Variants in ROBO1 observed in about 807,000 individuals in gnomAD.
ROBO1 encodes the protein roundabout homolog 1.
ROBO1 carries 149 observed loss-of-function variants against 195.9 expected under a neutral mutation model. The ratio of observed to expected loss-of-function variants is 0.76; its 90% confidence interval spans 0.67 to 0.87. The LOEUF (loss-of-function observed/expected upper bound fraction) is 0.87. ROBO1 is among the 40% of genes least tolerant of loss of function. ROBO1 has a pLI of 0.00. For synonymous variants in ROBO1, 816 were observed against 733.2 expected, an observed-to-expected ratio of 1.11 and a Z score of -1.82; for missense variants, 1,933 against 2,068.3, an observed-to-expected ratio of 0.93 and a Z score of 1.27.
intron 2 of ROBO1, among the ~76,000 whole-genome samples, chr3:79,310,797 G>T (rs2033449677): frequency 6.6e-6 from 1 of 151,998 alleles, no homozygotes; most frequent in Admixed American, 6.6e-5. Context: ...AAGTAAGTTT[G>T]TATTTCAATA....
intron 5 of ROBO1, among the ~76,000 whole-genome samples, chr3:78,735,966 A>G (rs1464519865): frequency 6.6e-6 from 1 of 152,084 alleles, no homozygotes; most frequent in Non-Finnish European, 1.5e-5. Flanking sequence ...CCTATTCACA[A>G]TCTCTCAACT....
intron 3 of ROBO1, among the ~76,000 whole-genome samples, chr3:78,972,474 C>A (rs1046554295): frequency 6.6e-6 from 1 of 152,078 alleles, no homozygotes; most frequent in Non-Finnish European, 1.5e-5. Flanking sequence ...AATTTGAAAA[C>A]AAACAATGTA....
intron 8 of ROBO1, among the ~76,000 whole-genome samples, chr3:78,709,796 G>C (rs1486699430): frequency 6.6e-6 from 1 of 152,150 alleles, no homozygotes; most frequent in Non-Finnish European, 1.5e-5. Context: ...GAGAAACAGA[G>C]GCACTGAGAA....
intron 26 of ROBO1, among the ~76,000 whole-genome samples, chr3:78,622,327 C>T (rs1262772370): frequency 6.6e-6 from 1 of 152,160 alleles, no homozygotes; most frequent in South Asian, 2.1e-4. Context: ...TAATGTATCA[C>T]ACTATCTGCA....
intron 4 of ROBO1, among the ~76,000 whole-genome samples, chr3:78,786,385 CATTA>C (rs1234700777): frequency 9.2e-5 from 14 of 152,108 alleles, no homozygotes. Context: ...CTTTTAAAAT[CATTA>C]ATTGAGTGCT....
chr3:79,739,861 T>G (rs2107412546), intron 1 of ROBO1, among the ~76,000 whole-genome samples: 1 of 152,232 alleles, frequency 6.6e-6, no homozygotes, highest in African/African-American at 2.4e-5. Flanking sequence ...TCAGAAATAT[T>G]ATCAGAGCAA....
At chr3:79,490,745 C>G (rs956408348) in intron 2 of ROBO1, among the ~76,000 whole-genome samples, 2 of 152,198 alleles carry the variant, frequency 1.3e-5, no homozygotes, top group African/African-American at 4.8e-5. Context: ...GTCAAGGACT[C>G]AAGCCCCTCT....
chr3:78,947,202 C>T (rs1028558981), intron 3 of ROBO1, among the ~76,000 whole-genome samples: 8 of 152,156 alleles, frequency 5.3e-5, no homozygotes. Flanking sequence ...CTCTCCACCC[C>T]AAATCAACAG....
chr3:79,168,436 G>C (rs2081109591), intron 2 of ROBO1, among the ~76,000 whole-genome samples: 1 of 152,098 alleles, frequency 6.6e-6, no homozygotes, highest in Non-Finnish European at 1.5e-5. Context: ...TTGGCTTTCT[G>C]AAAATGACCT....
intron 3 of ROBO1, among the ~76,000 whole-genome samples, chr3:78,973,881 T>C (rs563299790): frequency 1.3e-5 from 2 of 152,178 alleles, no homozygotes; most frequent in Admixed American, 1.3e-4. Context: ...TCACATTAAG[T>C]TTCTTAGAGA....
intron 8 of ROBO1, among the ~76,000 whole-genome samples, chr3:78,689,909 T>C (rs1384530027): frequency 1.3e-5 from 2 of 151,660 alleles, no homozygotes; most frequent in Non-Finnish European, 2.9e-5. Context: ...AATTTCTTTG[T>C]TAATGAAGGT....
chr3:79,041,177 A>G (rs1048084181), intron 3 of ROBO1, among the ~76,000 whole-genome samples: 1 of 152,072 alleles, frequency 6.6e-6, no homozygotes, highest in Non-Finnish European at 1.5e-5. Context: ...GGAAGTCAGT[A>G]TTTTTTTAGT....
intron 2 of ROBO1, among the ~76,000 whole-genome samples, chr3:79,246,003 T>C (rs993519950): frequency 3.9e-5 from 6 of 152,078 alleles, no homozygotes; most frequent in Non-Finnish European, 7.4e-5. Flanking sequence ...CAATAATGTG[T>C]TGAAAACAAA....
intron 2 of ROBO1, among the ~76,000 whole-genome samples, chr3:79,286,813 T>C (rs2031914737): frequency 1.3e-5 from 2 of 152,172 alleles, no homozygotes; most frequent in South Asian, 4.1e-4. Flanking sequence ...TTACAATTGA[T>C]TTTCATTTTA....
At chr3:79,379,791 A>G (rs1037534100) in intron 2 of ROBO1, among the ~76,000 whole-genome samples, 2 of 152,314 alleles carry the variant, frequency 1.3e-5, no homozygotes, top group African/African-American at 4.8e-5. Context: ...GGCGACAAAA[A>G]TCAGACTCAC....
chr3:79,637,203 T>C (rs66789180), intron 1 of ROBO1, among the ~76,000 whole-genome samples: 41,306 of 151,960 alleles, frequency 0.27, 6,781 homozygotes, highest in East Asian at 0.48. Flanking sequence ...CAAATGGAAA[T>C]TTTCCAAAAT....
chr3:79,645,858 A>T (rs1945806572), intron 1 of ROBO1, among the ~76,000 whole-genome samples: 1 of 152,124 alleles, frequency 6.6e-6, no homozygotes, highest in Admixed American at 6.6e-5. Context: ...GGTGCCAAGA[A>T]CATACAATGT....
intron 2 of ROBO1, among the ~76,000 whole-genome samples, chr3:79,402,354 T>C (rs1225848892): frequency 6.6e-6 from 1 of 151,972 alleles, no homozygotes; most frequent in Non-Finnish European, 1.5e-5. Context: ...ATGTTTAAGT[T>C]ACATTTCCCC....
intron 2 of ROBO1, among the ~76,000 whole-genome samples, chr3:79,498,879 G>C (rs750372359): frequency 6.6e-6 from 1 of 151,906 alleles, no homozygotes; most frequent in Non-Finnish European, 1.5e-5. Context: ...AAAAAGATTT[G>C]TGATTCCACT....
Sources: gnomAD v4.1 joint callset for allele counts (sites outside exome capture counted in the v4.1 genomes callset) on GRCh38, gnomAD v4.1.1 for gene constraint, MANE v1.5 for transcripts, NCBI Gene and HGNC (gene_info 2026-07-23, HGNC 2026-07-21) for gene names.